MOSMO: variants seen among roughly 807,000 people sequenced by gnomAD.
MOSMO encodes the protein modulator of smoothened protein.
A neutral mutation model predicts 18.4 loss-of-function variants in MOSMO; 5 were observed. That is an observed-to-expected ratio of 0.27 (90% confidence interval 0.14 to 0.57). MOSMO has a LOEUF of 0.57. Ranked by LOEUF, MOSMO falls within the 20% of genes least tolerant of loss-of-function variation. MOSMO has a pLI of 0.92. For missense variants in MOSMO, 138 were observed against 211.8 expected (o/e 0.65, Z 2.16); for synonymous variants, 82 against 82.3 (o/e 1.00, Z 0.02).
intron 1 of MOSMO, among the ~76,000 whole-genome samples, chr16:22,029,900 T>C (rs1187982958): frequency 1.3e-5 from 2 of 152,226 alleles, no homozygotes; most frequent in African/African-American, 4.8e-5. Flanking sequence ...AGTGCTGCGA[T>C]TACAGGCGTG....
chr16:22,071,123 C>G (rs1296647681), intron 1 of MOSMO, among the ~76,000 whole-genome samples: 2 of 152,030 alleles, frequency 1.3e-5, no homozygotes, highest in Non-Finnish European at 2.9e-5. Flanking sequence ...AAACAGCTTG[C>G]CAAGAACAGA....
intron 1 of MOSMO, among the ~76,000 whole-genome samples, chr16:22,024,865 T>C (rs1235521291): frequency 1.3e-5 from 2 of 152,158 alleles, no homozygotes; most frequent in Non-Finnish European, 2.9e-5. Context: ...CTACCTGTTC[T>C]GTCTGGACAT....
intron 1 of MOSMO, among the ~76,000 whole-genome samples, chr16:22,009,556 GGA>G (rs1899474079): frequency 6.6e-6 from 1 of 152,022 alleles, no homozygotes; most frequent in Admixed American, 6.6e-5. Context: ...ACAGCTGTCA[GGA>G]GAGCTGCTCC....
At chr16:22,040,527 T>TTC (rs1157311487) in intron 1 of MOSMO, among the ~76,000 whole-genome samples, 1 of 152,204 alleles carries the variant, frequency 6.6e-6, no homozygotes, top group Non-Finnish European at 1.5e-5. Flanking sequence ...AGTGACAGTA[T>TTC]TGTCATTGAA....
At position 22,081,003 on chromosome 16, in the gene MOSMO, A is replaced by C; in HGVS notation, c.*123A>C. 1 of 410,478 alleles carries C rather than the reference A, an allele frequency of 2.4e-6. No individual in the cohort carries two copies. Among genetic ancestry groups the C allele is most frequent in the Non-Finnish European group, 4.1e-6 (1 of 242,244 alleles). The allele number at this position is 410,478 out of a possible 1,614,324, so 25.4% of individuals were successfully genotyped here. ...CCTCTCATGGGAAGATGCTCAGATGAAACTGATGCTGAGAAGGAAAAAAAA... is the reference window on the plus strand; with the variant it reads ...CCTCTCATGGGAAGATGCTCAGATGCAACTGATGCTGAGAAGGAAAAAAAA... On this transcript the variant is annotated 3_prime_UTR_variant, in exon 3 of 3. Transcript: ENST00000542527.
intron 1 of MOSMO, among the ~76,000 whole-genome samples, chr16:22,055,486 A>G (rs1900514599): frequency 6.6e-6 from 1 of 152,210 alleles, no homozygotes; most frequent in Admixed American, 6.5e-5. Context: ...CAGGATTGCC[A>G]CTTCCTCCAG....
At chr16:22,027,395 G>A (rs1899897290) in intron 1 of MOSMO, among the ~76,000 whole-genome samples, 1 of 152,136 alleles carries the variant, frequency 6.6e-6, no homozygotes. Flanking sequence ...TAAACTTTGA[G>A]CACACCTGTG....
At chr16:22,017,881 CA>C (rs200705762) in intron 1 of MOSMO, among the ~76,000 whole-genome samples, 4 of 149,570 alleles carry the variant, frequency 2.7e-5, no homozygotes, top group African/African-American at 9.8e-5. Context: ...TTAGAGTTGA[CA>C]AAAAAAAAGA....
chr16:22,024,825 A>G (rs1455540464), intron 1 of MOSMO, among the ~76,000 whole-genome samples: 2 of 152,162 alleles, frequency 1.3e-5, no homozygotes, highest in South Asian at 2.1e-4. Flanking sequence ...AGTGGCTAAC[A>G]GGACAGACTG....
At position 22,008,266 on chromosome 16, in the gene MOSMO, C is replaced by T. The variant is rs1281617901; in HGVS notation, c.-36C>T. On this transcript the variant is annotated 5_prime_UTR_variant, in exon 1 of 3. Transcript: ENST00000542527. ...CGGGAGGCGTGAGGCCGCTGCCTGTCCGGGGCTCGGGGGGTGGGGGGAGCG... is the reference window on the plus strand; with the variant it reads ...CGGGAGGCGTGAGGCCGCTGCCTGTTCGGGGCTCGGGGGGTGGGGGGAGCG... 5 of 1,363,748 alleles carry T rather than the reference C, an allele frequency of 3.7e-6. No individual in the cohort carries two copies. The East Asian group carries it at 1.2e-4, about 32-fold the overall frequency. 84.5% of individuals were successfully genotyped at this position (1,363,748 alleles called of 1,614,324 possible). A position where few individuals can be genotyped will look rare whatever the true frequency, so the allele number is the denominator to read the frequency against.
At chr16:22,072,892 A>G (rs1900886873) in intron 1 of MOSMO, among the ~76,000 whole-genome samples, 1 of 152,006 alleles carries the variant, frequency 6.6e-6, no homozygotes, top group Non-Finnish European at 1.5e-5. Context: ...TTTCTTCTAG[A>G]ATAGAGCTGC....
chr16:22,078,580 G>A (rs1195754930), intron 2 of MOSMO, among the ~76,000 whole-genome samples: 1 of 152,072 alleles, frequency 6.6e-6, no homozygotes, highest in Non-Finnish European at 1.5e-5. Context: ...GAACAAAGTT[G>A]GCATGTCAAC....
chr16:22,070,992 G>A (rs1900838199), intron 1 of MOSMO, among the ~76,000 whole-genome samples: 1 of 152,150 alleles, frequency 6.6e-6, no homozygotes. Flanking sequence ...CGTAATTTCA[G>A]TTCAATTGGG....
At chr16:22,060,744 A>G (rs1468526354) in intron 1 of MOSMO, among the ~76,000 whole-genome samples, 1 of 152,132 alleles carries the variant, frequency 6.6e-6, no homozygotes, top group East Asian at 1.9e-4. Flanking sequence ...TTTATGGCGC[A>G]TGCCTGTAAT....
intron 1 of MOSMO, among the ~76,000 whole-genome samples, chr16:22,053,402 T>C (rs1900467607): frequency 6.6e-6 from 1 of 152,164 alleles, no homozygotes; most frequent in Admixed American, 6.5e-5. Context: ...GTATTGAACA[T>C]TATATATGTT....
chr16:22,087,224 A>G (rs1048735111), downstream of MOSMO: 3 of 152,066 alleles, frequency 2.0e-5, no homozygotes, highest in African/African-American at 7.2e-5. Context: ...CCATCCATCC[A>G]TTTGATAGGT....
At chr16:22,041,923 C>T (rs1900217771) in intron 1 of MOSMO, among the ~76,000 whole-genome samples, 1 of 152,040 alleles carries the variant, frequency 6.6e-6, no homozygotes, top group Non-Finnish European at 1.5e-5. Flanking sequence ...TGGCCTCGAG[C>T]GATCCTCCCA....
At chr16:22,017,757 T>C (rs999515176) in intron 1 of MOSMO, among the ~76,000 whole-genome samples, 12 of 152,198 alleles carry the variant, frequency 7.9e-5, no homozygotes, top group Admixed American at 3.9e-4. Context: ...AAATTTACTG[T>C]GTTTGTAAAC....
intron 1 of MOSMO, among the ~76,000 whole-genome samples, chr16:22,019,254 G>A (rs1265143115): frequency 3.9e-5 from 6 of 152,004 alleles, no homozygotes; most frequent in Admixed American, 2.6e-4. Flanking sequence ...TTTTTTCCCC[G>A]CATGAATGTA....
Sources: gnomAD v4.1 joint callset for allele counts (sites outside exome capture counted in the v4.1 genomes callset) on GRCh38, gnomAD v4.1.1 for gene constraint, MANE v1.5 for transcripts, NCBI Gene and HGNC (gene_info 2026-07-23, HGNC 2026-07-21) for gene names.